Variants in CLEC2A observed in about 807,000 individuals in gnomAD.
CLEC2A encodes the protein C-type lectin domain family 2 member A, also known as keratinocyte-associated C-type lectin.
Under a neutral mutation model 18.6 loss-of-function variants are expected in CLEC2A, and 19 were observed. The observed-to-expected ratio is 1.02, with a 90% confidence interval of 0.71 to 1.50. CLEC2A has a LOEUF of 1.50. Among genes scored for constraint, CLEC2A ranks in the 40% most tolerant of loss-of-function variants. CLEC2A has a pLI of 0.00. For missense variants in CLEC2A, 190 were observed against 207.9 expected (o/e 0.91, Z 0.53); for synonymous variants, 74 against 64.0 (o/e 1.16, Z -0.75).
chr12:9,929,572 G>T (rs1185042892), intron 1 of CLEC2A, among the ~76,000 whole-genome samples: 1 of 151,978 alleles, frequency 6.6e-6, no homozygotes, highest in Non-Finnish European at 1.5e-5. Context: ...AATATTTTTT[G>T]CACTGATATT....
At chr12:9,910,461 C>T (rs1862968111), downstream of CLEC2A, among the ~76,000 whole-genome samples, 1 of 152,106 alleles carries the variant, frequency 6.6e-6, no homozygotes, top group Non-Finnish European at 1.5e-5. Context: ...TCTTGCCCTC[C>T]CTTCTTCTAG....
chr12:9,926,491 C>A, intron 1 of CLEC2A, 148 bp from the exon 2 acceptor site: 2 of 610,762 alleles, frequency 3.3e-6, no homozygotes, highest in Admixed American at 2.8e-5. Flanking sequence ...AGCAAACCAT[C>A]AAAAAGTGCA....
intron 4 of CLEC2A, among the ~76,000 whole-genome samples, chr12:9,904,886 G>C (rs1862885430): frequency 6.6e-6 from 1 of 152,130 alleles, no homozygotes; most frequent in African/African-American, 2.4e-5. Flanking sequence ...ATGTTGGGTG[G>C]TCTGCCAAAC....
intron 4 of CLEC2A, among the ~76,000 whole-genome samples, chr12:9,904,271 C>T (rs1400863494): frequency 6.6e-6 from 1 of 152,144 alleles, no homozygotes; most frequent in Non-Finnish European, 1.5e-5. Context: ...TGATTCATGA[C>T]CCCAGGCTGT....
the CLEC2A span, among the ~76,000 whole-genome samples, chr12:9,891,749 A>T: frequency 6.6e-6 from 1 of 152,186 alleles, no homozygotes; most frequent in African/African-American, 2.4e-5. Context: ...AAGAATATAT[A>T]TGAAGTTTCA....
the CLEC2A span, chr12:9,893,028 T>C: frequency 6.5e-7 from 1 of 1,535,412 alleles, no homozygotes; most frequent in Non-Finnish European, 8.7e-7. Context: ...AGGACACAAT[T>C]ACTTGTGCCC....
chr12:9,910,671 G>T (rs2137028216), downstream of CLEC2A, among the ~76,000 whole-genome samples: 2 of 152,246 alleles, frequency 1.3e-5, no homozygotes, highest in Middle Eastern at 6.8e-3. Flanking sequence ...ATACTTTATT[G>T]CCCCTGCAAC....
chr12:9,923,964 G>A (rs1229811996), intron 2 of CLEC2A, among the ~76,000 whole-genome samples: 3 of 151,792 alleles, frequency 2.0e-5, no homozygotes, highest in South Asian at 2.1e-4. Context: ...CCCCCCTGTC[G>A]TGGGGTTGGG....
chr12:9,903,583 T>G (rs1344400235), intron 4 of CLEC2A, among the ~76,000 whole-genome samples: 4 of 152,212 alleles, frequency 2.6e-5, no homozygotes, highest in Non-Finnish European at 5.9e-5. Context: ...GTTCCAATCA[T>G]GACACAGACC....
At chr12:9,890,474 C>CTT in the CLEC2A span, among the ~76,000 whole-genome samples, 2 of 152,162 alleles carry the variant, frequency 1.3e-5, no homozygotes, top group Non-Finnish European at 2.9e-5. Context: ...TTACTGCTTT[C>CTT]CTTCTGGCTT....
At chr12:9,890,129 A>G in the CLEC2A span, among the ~76,000 whole-genome samples, 1 of 152,178 alleles carries the variant, frequency 6.6e-6, no homozygotes, top group African/African-American at 2.4e-5. Flanking sequence ...TAGATATTAT[A>G]CCATTGAATA....
chr12:9,912,987 C>G (rs973634755), downstream of CLEC2A, among the ~76,000 whole-genome samples: 2 of 152,178 alleles, frequency 1.3e-5, no homozygotes. Flanking sequence ...TAAAACTGCA[C>G]TAATGCAACA....
downstream of CLEC2A, among the ~76,000 whole-genome samples, chr12:9,910,079 T>C (rs953892492): frequency 6.6e-6 from 1 of 152,204 alleles, no homozygotes; most frequent in Non-Finnish European, 1.5e-5. Context: ...GTCATTAATA[T>C]GTTCCATTAA....
chr12:9,927,776 T>G (rs1314103980), intron 1 of CLEC2A, among the ~76,000 whole-genome samples: 1 of 152,084 alleles, frequency 6.6e-6, no homozygotes, highest in Non-Finnish European at 1.5e-5. Context: ...AAGAAGAGTT[T>G]GGTAATTTAT....
chr12:9,919,174 G>C (rs936877524), intron 3 of CLEC2A, among the ~76,000 whole-genome samples: 3 of 152,230 alleles, frequency 2.0e-5, no homozygotes, highest in African/African-American at 7.2e-5. Context: ...GCCCACTGCA[G>C]CTCTTGGGTG....
chr12:9,896,202 G>A (rs192615313), downstream of CLEC2A, among the ~76,000 whole-genome samples: 1 of 152,270 alleles, frequency 6.6e-6, no homozygotes, highest in Admixed American at 6.5e-5. Context: ...GAAAGAAGCA[G>A]TATATGTACA....
At chr12:9,899,873 A>G (rs1862801901) in intron 4 of CLEC2A, among the ~76,000 whole-genome samples, 1 of 152,184 alleles carries the variant, frequency 6.6e-6, no homozygotes, top group South Asian at 2.1e-4. Context: ...CTGCCTCTGG[A>G]TCCCTCAGAT....
the CLEC2A span, among the ~76,000 whole-genome samples, chr12:9,886,760 A>G: frequency 9.0e-6 from 1 of 110,502 alleles, no homozygotes; most frequent in African/African-American, 3.1e-5. Flanking sequence ...CCCCTATATC[A>G]TGCAAAAAAA....
At chr12:9,893,512 G>A in the CLEC2A span, 2 of 1,508,384 alleles carry the variant, frequency 1.3e-6, no homozygotes, top group South Asian at 1.2e-5. Context: ...TATGGATGTG[G>A]ATAGATGAAC....
Sources: gnomAD v4.1 joint callset for allele counts (sites outside exome capture counted in the v4.1 genomes callset) on GRCh38, gnomAD v4.1.1 for gene constraint, MANE v1.5 for transcripts, NCBI Gene and HGNC (gene_info 2026-07-23, HGNC 2026-07-21) for gene names.